ADGRB3: variants seen among roughly 807,000 people sequenced by gnomAD.
ADGRB3 encodes adhesion G protein-coupled receptor B3.
Under a neutral mutation model 193.4 loss-of-function variants are expected in ADGRB3, and 37 were observed. The ratio of observed to expected loss-of-function variants is 0.19; its 90% confidence interval spans 0.15 to 0.25. ADGRB3 has a LOEUF of 0.25. Ranked by LOEUF, ADGRB3 falls within the 10% of genes least tolerant of loss-of-function variation. The pLI is 1.00. For synonymous variants in ADGRB3, 690 were observed against 644.2 expected, an observed-to-expected ratio of 1.07 and a Z score of -1.08; for missense variants, 1,637 against 1,852.9, an observed-to-expected ratio of 0.88 and a Z score of 2.14.
intron 17 of ADGRB3, among the ~76,000 whole-genome samples, chr6:69,230,439 T>G (rs1427066157): frequency 2.6e-5 from 4 of 152,160 alleles, no homozygotes; most frequent in Non-Finnish European, 5.9e-5. Flanking sequence ...TTGCTTCACA[T>G]TTGCTCTGCC....
intron 17 of ADGRB3, among the ~76,000 whole-genome samples, chr6:69,157,669 A>G (rs1246570892): frequency 6.6e-6 from 1 of 150,874 alleles, no homozygotes; most frequent in African/African-American, 2.4e-5. Flanking sequence ...ATTTAATTGC[A>G]TTTTTTGCCA....
Position 69,233,321 on chromosome 6 carries a change from G to A in ADGRB3, c.2512G>A (p.Gly838Arg). Residue 838 changes from glycine (G) to arginine (R), a missense_variant, in exon 18 of 32, where the codon GGA becomes AGA. Gly to Arg is a moderately radical substitution (Grantham distance 125). Transcript: ENST00000370598. Reference sequence around the variant, plus strand: ...GTCTTTGGGAACGTGGTCCACCCAGGGATGTAAAACTGTGCTTACCGATGC... The same window carrying A: ...GTCTTTGGGAACGTGGTCCACCCAGAGATGTAAAACTGTGCTTACCGATGC... ...NESLGTWSTQ[G>R]CKTVLTDASH... is the part of the protein sequence containing the mutation. The A allele has an allele frequency of 1.9e-6, 3 of 1,613,978 alleles. No homozygotes were observed. Among genetic ancestry groups the A allele is most frequent in the Non-Finnish European group, 2.5e-6 (3 of 1,179,978 alleles).
chr6:68,987,462 T>G (rs1018542196), intron 10 of ADGRB3, among the ~76,000 whole-genome samples: 1 of 152,164 alleles, frequency 6.6e-6, no homozygotes, highest in Non-Finnish European at 1.5e-5. Context: ...ATGAAAAAGA[T>G]TGAATTTCTC....
chr6:69,157,798 C>A (rs868160984), intron 17 of ADGRB3, among the ~76,000 whole-genome samples: 5 of 151,660 alleles, frequency 3.3e-5, no homozygotes, highest in Non-Finnish European at 5.9e-5. Flanking sequence ...ATGGTGGCAA[C>A]CAACTTATGA....
At chr6:68,802,980 C>T (rs147763770) in intron 3 of ADGRB3, among the ~76,000 whole-genome samples, 171 of 152,286 alleles carry the variant, frequency 1.1e-3, no homozygotes, top group Admixed American at 2.5e-3. Context: ...AATGTTGTCA[C>T]TGGCCCCTGT....
intron 11 of ADGRB3, among the ~76,000 whole-genome samples, chr6:69,003,948 T>C (rs879568772): frequency 2.6e-5 from 4 of 152,196 alleles, no homozygotes; most frequent in Non-Finnish European, 4.4e-5. Context: ...GTAAATGCCA[T>C]GTGCAGTAAA....
intron 6 of ADGRB3, among the ~76,000 whole-genome samples, chr6:68,954,207 T>G (rs1768008591): frequency 6.6e-6 from 1 of 152,192 alleles, no homozygotes; most frequent in Non-Finnish European, 1.5e-5. Flanking sequence ...TAAGATGGTA[T>G]TGTCTTTAAA....
intron 16 of ADGRB3, among the ~76,000 whole-genome samples, chr6:69,075,198 C>T (rs1009345809): frequency 1.3e-5 from 2 of 152,062 alleles, no homozygotes; most frequent in African/African-American, 4.8e-5. Flanking sequence ...GTGTATGCTC[C>T]AGGAAATTAG....
At chr6:68,880,781 T>A (rs1765711060) in intron 3 of ADGRB3, among the ~76,000 whole-genome samples, 1 of 120,182 alleles carries the variant, frequency 8.3e-6, no homozygotes, top group South Asian at 2.6e-4. Flanking sequence ...AATTAATATA[T>A]ATAGTTCATT....
intron 20 of ADGRB3, among the ~76,000 whole-genome samples, chr6:69,270,826 G>C (rs1414269375): frequency 6.6e-6 from 1 of 152,006 alleles, no homozygotes; most frequent in East Asian, 1.9e-4. Context: ...AATTTAAGTT[G>C]ATTTTCCACA....
chr6:69,282,510 A>G (rs1279343789), intron 20 of ADGRB3, among the ~76,000 whole-genome samples: 1 of 152,224 alleles, frequency 6.6e-6, no homozygotes, highest in African/African-American at 2.4e-5. Context: ...ATTCTTCAGA[A>G]TTTGATTTTT....
chr6:69,128,412 A>G (rs1216799440), intron 17 of ADGRB3, among the ~76,000 whole-genome samples: 3 of 152,154 alleles, frequency 2.0e-5, no homozygotes, highest in Non-Finnish European at 2.9e-5. Flanking sequence ...GTGGTCTGTG[A>G]CTTGAAGACA....
intron 29 of ADGRB3, among the ~76,000 whole-genome samples, chr6:69,369,633 G>A (rs1011028818): frequency 6.6e-6 from 1 of 151,492 alleles, no homozygotes; most frequent in Admixed American, 6.6e-5. Context: ...TGAATGTTGA[G>A]GCTGCAGTGA....
intron 27 of ADGRB3, 92 bp from the exon 28 acceptor site, chr6:69,355,729 G>A: frequency 9.9e-7 from 1 of 1,011,272 alleles, no homozygotes; most frequent in Non-Finnish European, 1.5e-6. Flanking sequence ...TGCCAAGTTA[G>A]ATATCTGTAA....
intron 18 of ADGRB3, among the ~76,000 whole-genome samples, chr6:69,233,766 T>C (rs1394341553): frequency 6.6e-6 from 1 of 152,196 alleles, no homozygotes; most frequent in African/African-American, 2.4e-5. Flanking sequence ...TAGAGGGTAT[T>C]GTTAGTAGTA....
intron 3 of ADGRB3, among the ~76,000 whole-genome samples, chr6:68,798,532 A>AGG (rs1767254280): frequency 6.9e-6 from 1 of 144,298 alleles, no homozygotes. Flanking sequence ...GGGGCCTGTC[A>AGG]GGGGGTGGGG....
chr6:69,171,762 A>T lies in ADGRB3; in HGVS notation c.2481-61528A>T, dbSNP rs527343074. 4.5e-3 allele frequency among the ~76,000 whole-genome samples: 688 copies of T among 152,332 alleles called. 2 individuals are homozygous for T. Among genetic ancestry groups the T allele is most frequent in the Non-Finnish European group, 6.6e-3 (449 of 68,030 alleles). ...ATAAAGAATGAATACAGAGTCAAAA[A>T]AAAAGCCCTTTATTACTCCAATAAA... On this transcript the variant is annotated intron_variant, in intron 17 of 31. Transcript: ENST00000370598.
intron 20 of ADGRB3, among the ~76,000 whole-genome samples, chr6:69,293,094 C>A (rs922512891): frequency 1.4e-4 from 21 of 152,328 alleles, no homozygotes; most frequent in African/African-American, 4.8e-4. Context: ...CTTGTTCCAA[C>A]ATTTGCAGGC....
At chr6:69,388,618 C>G in intron 31 of ADGRB3, 85 bp from the exon 32 acceptor site, 1 of 1,298,108 alleles carries the variant, frequency 7.7e-7, no homozygotes, top group Non-Finnish European at 1.1e-6. Flanking sequence ...ATTAAGATTA[C>G]AAACACGCTC....
Sources: allele counts gnomAD v4.1 joint callset (sites outside exome capture counted in the v4.1 genomes callset), GRCh38; gene constraint gnomAD v4.1.1; transcripts MANE v1.5; gene names NCBI Gene and HGNC (gene_info 2026-07-23, HGNC 2026-07-21).